The following CLIC2 variants were observed in gnomAD, a reference collection of about 807,000 sequenced individuals.
CLIC2 encodes chloride intracellular channel protein 2.
A neutral mutation model predicts 14.8 loss-of-function variants in CLIC2; 9 were observed. That is an observed-to-expected ratio of 0.61 (90% CI 0.37 to 1.06). CLIC2 has a LOEUF of 1.06. CLIC2 is among the 50% of genes least tolerant of loss of function. The pLI is 0.01. For synonymous variants in CLIC2, 61 were observed against 66.3 expected (o/e 0.92, Z 0.39); for missense variants, 148 against 181.4 (o/e 0.82, Z 1.06).
chrX:155,305,315 T>G (rs5983838), intron 1 of CLIC2, among the ~76,000 whole-genome samples: 2 of 110,874 alleles, frequency 1.8e-5, no homozygotes, highest in South Asian at 3.8e-4. Context: ...GCGCAGTATT[T>G]GGGTGGGAGT....
At chrX:155,326,613 A>G (rs2075139362) in intron 1 of CLIC2, among the ~76,000 whole-genome samples, 1 of 112,134 alleles carries the variant, frequency 8.9e-6, no homozygotes, top group Non-Finnish European at 1.9e-5. Context: ...ACTTATGTCC[A>G]TAAAGAAACC....
chrX:155,276,844 A>G lies in CLIC2; in HGVS notation c.*1059T>C, dbSNP rs1219736557. 1 of 112,315 alleles carries G rather than the reference A, an allele frequency of 8.9e-6. No individual in the cohort carries two copies. The highest frequency in any genetic ancestry group is 1.9e-5 in the Non-Finnish European group (1 of 53,200). The allele number at this position is 112,315 out of a possible 1,213,427, so 9.3% of individuals were successfully genotyped here. On this transcript the variant is annotated 3_prime_UTR_variant, in exon 6 of 6. Transcript: ENST00000369449. ...TATCTTGACTCTATGGTTTTCAAGG[A>G]CAGTACTTTGAGTTTGCTCATTGCC...
At chrX:155,319,184 T>C (rs2075104780) in intron 1 of CLIC2, among the ~76,000 whole-genome samples, 1 of 111,720 alleles carries the variant, frequency 9.0e-6, no homozygotes, top group Admixed American at 9.5e-5. Context: ...CAAAAGCAAA[T>C]GCAATACAAA....
intron 1 of CLIC2, among the ~76,000 whole-genome samples, chrX:155,303,036 C>T (rs1443629347): frequency 7.9e-5 from 7 of 88,280 alleles, no homozygotes; most frequent in Non-Finnish European, 1.6e-4. Context: ...TGGTGTGGTG[C>T]TGAAAAAAAT....
intron 1 of CLIC2, among the ~76,000 whole-genome samples, chrX:155,324,095 T>C (rs1557322034): frequency 8.9e-6 from 1 of 112,352 alleles, no homozygotes; most frequent in African/African-American, 3.2e-5. Context: ...ATGGCCATGC[T>C]GCCCAAAGTA....
intron 1 of CLIC2, among the ~76,000 whole-genome samples, chrX:155,304,208 T>C (rs1261082444): frequency 9.4e-6 from 1 of 106,860 alleles, no homozygotes; most frequent in Non-Finnish European, 1.9e-5. Flanking sequence ...CCCGTCACTT[T>C]CAGGTACACC....
chrX:155,309,459 A>T (rs1343349589), intron 1 of CLIC2: 3 of 154,144 alleles, frequency 1.9e-5, no homozygotes, highest in Non-Finnish European at 3.8e-5. Context: ...CTATAGGCCA[A>T]TATCACTGAT....
At chrX:155,292,182 A>C in intron 3 of CLIC2, 1 of 567,751 alleles carries the variant, frequency 1.8e-6, no homozygotes. Context: ...CTTCAAGAAC[A>C]AGTCAGTTAA....
rs186359348 is a variant in CLIC2 at position 155,330,748 on chromosome X, G to A, written c.57+3623C>T. 5.9e-3 allele frequency among the ~76,000 whole-genome samples: 656 copies of A among 110,832 alleles called. 3 individuals are homozygous for A. Among genetic ancestry groups the A allele is most frequent in the African/African-American group, 0.02 (608 of 30,595 alleles). On this transcript the variant is annotated intron_variant, in intron 1 of 5. Transcript: ENST00000369449. ...TGACAAAGGTAAGCGTATGACTATG[G>A]GAAGAAGCACCTGAGAGATGATGAG...
At position 155,280,990 on chromosome X, in the gene CLIC2, G is replaced by GATATATATAT. The variant is rs373277985; in HGVS notation, c.294-932_294-923dup. ...AGATGAATGGATATAGAAATTGTGA[G>GATATATATAT]ATATATATATATATATATATATATG... On this transcript the variant is annotated intron_variant, in intron 3 of 5. Coordinates refer to ENST00000369449, the MANE Select transcript of CLIC2 (RefSeq NM_001289.6). 7.7e-3 allele frequency among the ~76,000 whole-genome samples: 695 copies of GATATATATAT among 89,853 alleles called. 9 individuals carry two copies. Among genetic ancestry groups the GATATATATAT allele is most frequent in the South Asian group, 0.026 (40 of 1,563 alleles). The allele number at this position is 89,853 out of a possible 115,157, so 78.0% of individuals were successfully genotyped here.
chrX:155,316,379 CA>C (rs1348518877), intron 1 of CLIC2, among the ~76,000 whole-genome samples: 2 of 111,770 alleles, frequency 1.8e-5, no homozygotes, highest in Non-Finnish European at 3.8e-5. Context: ...AAACAAGTCT[CA>C]GTAAATTTAA....
At chrX:155,303,919 T>C (rs2075032929) in intron 1 of CLIC2, among the ~76,000 whole-genome samples, 1 of 106,437 alleles carries the variant, frequency 9.4e-6, no homozygotes, top group South Asian at 4.3e-4. Context: ...CCCACTCTCT[T>C]CTGGCTTGTA....
intron 3 of CLIC2, among the ~76,000 whole-genome samples, chrX:155,294,759 C>A (rs1285752606): frequency 9.0e-6 from 1 of 111,518 alleles, no homozygotes; most frequent in African/African-American, 3.2e-5. Flanking sequence ...TGTATGCTGA[C>A]AAACTGATAA....
intron 1 of CLIC2, among the ~76,000 whole-genome samples, chrX:155,326,914 T>C (rs180894562): frequency 1.5e-3 from 171 of 111,681 alleles, no homozygotes; most frequent in African/African-American, 5.4e-3. Flanking sequence ...AAGAGATTAA[T>C]GGTTGAGGGA....
chrX:155,287,506 G>GTATT (rs1363638261), intron 3 of CLIC2, among the ~76,000 whole-genome samples: 3 of 110,507 alleles, frequency 2.7e-5, no homozygotes, highest in African/African-American at 9.9e-5. Flanking sequence ...GCTAACTTTT[G>GTATT]TATTTTTAGT....
chrX:155,293,054 A>C (rs1185370833), intron 3 of CLIC2: 5 of 623,791 alleles, frequency 8.0e-6, no homozygotes, highest in Non-Finnish European at 1.4e-5. Flanking sequence ...GCCACTCTGG[A>C]TCCTGAGCTC....
At chrX:155,285,571 A>G (rs2074938924) in intron 3 of CLIC2, among the ~76,000 whole-genome samples, 1 of 111,543 alleles carries the variant, frequency 9.0e-6, no homozygotes, top group Admixed American at 9.5e-5. Context: ...ACCTCTGGAC[A>G]ATGAGCTGTA....
chrX:155,284,826 C>T (rs2074935861), intron 3 of CLIC2, among the ~76,000 whole-genome samples: 1 of 111,944 alleles, frequency 8.9e-6, no homozygotes, highest in South Asian at 3.7e-4. Flanking sequence ...GTAACCTGCA[C>T]CTGCAATATA....
At position 155,325,761 on chromosome X, in the gene CLIC2, GATATATATATATATATATATAT is replaced by G. The variant is rs60334475; in HGVS notation, c.57+8588_57+8609del. Among the ~76,000 whole-genome samples, 183 of 32,864 alleles carry G rather than the reference GATATATATATATATATATATAT, an allele frequency of 5.6e-3. 5 individuals are homozygous for G. Among genetic ancestry groups the G allele is most frequent in the Non-Finnish European group, 6.2e-3 (115 of 18,554 alleles). 28.5% of individuals were successfully genotyped at this position (32,864 alleles called of 115,157 possible). On this transcript the variant is annotated intron_variant, in intron 1 of 5. Transcript: ENST00000369449. Reference sequence around the variant, plus strand: ...GAAAGTATAATAAAAAAGAAAATGTGATATATATATATATATATATATATATATATATATATATATATATATG... The same window carrying G: ...GAAAGTATAATAAAAAAGAAAATGTGATATATATATATATATATATATATG...
Sources: gnomAD v4.1 joint callset for allele counts (sites outside exome capture counted in the v4.1 genomes callset) on GRCh38, gnomAD v4.1.1 for gene constraint, MANE v1.5 for transcripts, NCBI Gene and HGNC (gene_info 2026-07-23, HGNC 2026-07-21) for gene names.